Variants in PDE1C observed in about 807,000 individuals in gnomAD.
PDE1C encodes phosphodiesterase 1C.
In PDE1C, 62 loss-of-function variants were observed where a neutral mutation model predicts 93.1. The ratio of observed to expected loss-of-function variants is 0.67; its 90% confidence interval spans 0.54 to 0.82. The LOEUF is 0.82. PDE1C is among the 40% of genes least tolerant of loss of function. PDE1C has a pLI of 0.00. For missense variants in PDE1C, 742 were observed against 884.6 expected, an observed-to-expected ratio of 0.84 and a Z score of 2.04; for synonymous variants, 325 against 310.1, an observed-to-expected ratio of 1.05 and a Z score of -0.50.
At chr7:32,059,514 G>A (rs1563265011) in intron 1 of PDE1C, among the ~76,000 whole-genome samples, 2 of 152,068 alleles carry the variant, frequency 1.3e-5, no homozygotes, top group Non-Finnish European at 2.9e-5. Context: ...ATCTCCCTCC[G>A]CATCCCCTCG....
intron 1 of PDE1C, among the ~76,000 whole-genome samples, chr7:32,262,007 T>TC (rs1228751234): frequency 1.1e-3 from 23 of 21,672 alleles, no homozygotes; most frequent in African/African-American, 1.9e-3. Context: ...GCTTTGGGAT[T>TC]TTTTTTTTTT....
chr7:31,936,397 C>T (rs1211564656), intron 2 of PDE1C, among the ~76,000 whole-genome samples: 1 of 151,626 alleles, frequency 6.6e-6, no homozygotes, highest in African/African-American at 2.4e-5. Context: ...ACAACACACA[C>T]CTGTGGTATT....
chr7:32,278,361 A>T (rs144141917), intron 1 of PDE1C, among the ~76,000 whole-genome samples: 248 of 152,322 alleles, frequency 1.6e-3, no homozygotes, highest in African/African-American at 5.7e-3. Context: ...GAGAAAAATG[A>T]GTGTTCCTCA....
chr7:31,922,816 G>A (rs766252795), intron 2 of PDE1C, among the ~76,000 whole-genome samples: 19 of 152,082 alleles, frequency 1.2e-4, no homozygotes, highest in Admixed American at 2.0e-4. Context: ...ATAAAAGTGT[G>A]GAGTCAAGAA....
At chr7:32,138,407 C>G (rs1800326986) in intron 3 of PDE1C, among the ~76,000 whole-genome samples, 1 of 152,116 alleles carries the variant, frequency 6.6e-6, no homozygotes, top group African/African-American at 2.4e-5. Flanking sequence ...ATTATATCAA[C>G]AGATCCTCAG....
chr7:32,256,321 A>T (rs1309193610), intron 1 of PDE1C, among the ~76,000 whole-genome samples: 1 of 152,212 alleles, frequency 6.6e-6, no homozygotes, highest in African/African-American at 2.4e-5. Flanking sequence ...TTGGAGCCAC[A>T]AACCAGGGGC....
the PDE1C span, among the ~76,000 whole-genome samples, chr7:31,624,767 C>G: frequency 6.6e-6 from 1 of 151,892 alleles, no homozygotes; most frequent in African/African-American, 2.4e-5. Context: ...CCAAAAGTGA[C>G]AAATGGGATC....
chr7:32,148,076 C>T (rs891315382), intron 3 of PDE1C, among the ~76,000 whole-genome samples: 5 of 149,026 alleles, frequency 3.4e-5, no homozygotes, highest in African/African-American at 1.2e-4. Flanking sequence ...AGAAGCCTTG[C>T]TGAACTCCCT....
intron 1 of PDE1C, among the ~76,000 whole-genome samples, chr7:32,242,710 G>A (rs894905542): frequency 2.0e-5 from 3 of 152,154 alleles, no homozygotes; most frequent in Non-Finnish European, 4.4e-5. Context: ...AAGAACAATG[G>A]CCCAAAGCAG....
chr7:31,960,582 G>A (rs145701253), intron 2 of PDE1C, among the ~76,000 whole-genome samples: 1 of 152,228 alleles, frequency 6.6e-6, no homozygotes, highest in East Asian at 1.9e-4. Context: ...AATGCATATT[G>A]AAATATTTAA....
the PDE1C span, chr7:31,658,526 G>T: frequency 1.6e-6 from 1 of 617,918 alleles, no homozygotes. Context: ...GTGTTTTCAT[G>T]TGGAATGGTG....
At chr7:32,362,663 C>A (rs1169408631) in intron 1 of PDE1C, among the ~76,000 whole-genome samples, 1 of 152,120 alleles carries the variant, frequency 6.6e-6, no homozygotes, top group East Asian at 1.9e-4. Context: ...CCTGCCTGGG[C>A]CCTACACTTC....
chr7:31,696,915 G>A, the PDE1C span: 27 of 1,557,486 alleles, frequency 1.7e-5, no homozygotes, highest in Non-Finnish European at 2.2e-5. Flanking sequence ...TCATATATTA[G>A]GATATATGTA....
At chr7:31,930,636 C>T (rs978907593) in intron 2 of PDE1C, among the ~76,000 whole-genome samples, 24 of 151,842 alleles carry the variant, frequency 1.6e-4, no homozygotes, top group Non-Finnish European at 2.8e-4. Context: ...GTCAGGAGAT[C>T]GAGACCATCC....
chr7:32,070,239 A>G, intron 1 of PDE1C, 54 bp downstream of exon 1: 3 of 1,611,054 alleles, frequency 1.9e-6, no homozygotes, highest in African/African-American at 2.7e-5. Context: ...GCTGTGTGGT[A>G]AAATAAGGAT....
At chr7:31,658,269 AG>A in the PDE1C span, 7 of 1,502,818 alleles carry the variant, frequency 4.7e-6, no homozygotes, top group Non-Finnish European at 6.2e-6. Flanking sequence ...ATTCTCTTAT[AG>A]GTGAATTATT....
chr7:31,844,629 T>G (rs1655229487), intron 9 of PDE1C, among the ~76,000 whole-genome samples: 1 of 152,056 alleles, frequency 6.6e-6, no homozygotes, highest in African/African-American at 2.4e-5. Flanking sequence ...TTCATCGAAT[T>G]TAACCTGTTT....
At chr7:32,173,780 C>T (rs1252361783) in intron 2 of PDE1C, among the ~76,000 whole-genome samples, 1 of 152,166 alleles carries the variant, frequency 6.6e-6, no homozygotes, top group Admixed American at 6.5e-5. Flanking sequence ...GAAGAAATCA[C>T]CCTGGCTTGT....
chr7:32,078,147 T>C, intron 3 of PDE1C: 1 of 455,444 alleles, frequency 2.2e-6, no homozygotes, highest in African/African-American at 2.1e-5. Flanking sequence ...TTGTTCTTCC[T>C]ATCACTGTAA....
Sources: allele counts gnomAD v4.1 joint callset (sites outside exome capture counted in the v4.1 genomes callset), GRCh38; gene constraint gnomAD v4.1.1; transcripts MANE v1.5; gene names NCBI Gene and HGNC (gene_info 2026-07-23, HGNC 2026-07-21).